SPIRE1: variants seen among roughly 807,000 people sequenced by gnomAD.
SPIRE1 encodes protein spire homolog 1.
In SPIRE1, 40 loss-of-function variants were observed where a neutral mutation model predicts 94.1. The ratio of observed to expected loss-of-function variants is 0.43; its 90% confidence interval spans 0.33 to 0.55. The LOEUF is 0.55. Among genes scored for constraint, SPIRE1 ranks in the 20% least tolerant of loss-of-function variants. The pLI is 0.06. For synonymous variants in SPIRE1, 376 were observed against 371.7 expected (o/e 1.01, Z -0.13); for missense variants, 838 against 975.2 (o/e 0.86, Z 1.87).
rs1375897156 is a variant in SPIRE1 at position 12,454,431 on chromosome 18, A to G, written c.1691T>C (p.Met564Thr). 6.2e-7 allele frequency: 1 copy of G among 1,614,050 alleles called. No individual in the cohort carries two copies. Among genetic ancestry groups the G allele is most frequent in the Non-Finnish European group, 8.5e-7 (1 of 1,179,896 alleles). ...ECLALTVEEV[M>T]HIRQVLVKAE... ...CTTCACCAGGACCTGGCGAATATGC[A>G]TCACTTCTTCCACAGTAAGAGCGAG... Residue 564 changes from methionine to threonine, a missense_variant, in exon 13 of 17, where the codon ATG becomes ACG. Physicochemically the swap from Met to Thr is moderately conservative, Grantham distance 81 (BLOSUM62 -1). This residue lies in a region of SPIRE1 where 645 missense variants were observed against 804.7 expected (regional missense o/e 0.80). Coordinates refer to ENST00000409402, the MANE Select transcript of SPIRE1 (RefSeq NM_001128626.2).
chr18:12,521,813 C>T (rs1752506612), intron 4 of SPIRE1, among the ~76,000 whole-genome samples: 1 of 151,826 alleles, frequency 6.6e-6, no homozygotes. Flanking sequence ...GAGGAGTGAT[C>T]TTTGATGTTA....
At position 12,559,516 on chromosome 18, in the gene SPIRE1, A is replaced by G. The variant is rs952911239; in HGVS notation, c.373-12612T>C. 6.6e-6 allele frequency among the ~76,000 whole-genome samples: 1 copy of G among 152,200 alleles called. No homozygotes were observed. The highest frequency in any genetic ancestry group is 2.4e-5 in the African/African-American group (1 of 41,466). ...GAGGGAGCCGGCTCCGGCTTTGGCC[A>G]GCCCAGAGAGGGGCTCCCACGGTGC... On this transcript the variant is annotated intron_variant, in intron 2 of 16. Coordinates refer to ENST00000409402, the MANE Select transcript of SPIRE1 (RefSeq NM_001128626.2). The surrounding 1 kb of genome is among the most constrained non-coding windows in gnomAD (Gnocchi z 4.7).
chr18:12,602,933 T>C (rs1245186174), intron 2 of SPIRE1, among the ~76,000 whole-genome samples: 2 of 152,214 alleles, frequency 1.3e-5, no homozygotes, highest in East Asian at 3.8e-4. Context: ...AACCCATTGA[T>C]TTGTAGGTAA....
At chr18:12,650,463 C>A (rs2038346828) in intron 1 of SPIRE1, among the ~76,000 whole-genome samples, 1 of 151,804 alleles carries the variant, frequency 6.6e-6, no homozygotes, top group Non-Finnish European at 1.5e-5. Context: ...ATAATCCCAG[C>A]ACTTTGGGAG....
chr18:12,477,141 A>T (rs113508347), intron 10 of SPIRE1, among the ~76,000 whole-genome samples: 2 of 152,292 alleles, frequency 1.3e-5, no homozygotes, highest in African/African-American at 4.8e-5. Context: ...AATTTATCTG[A>T]TCATGCCTTG....
intron 4 of SPIRE1, among the ~76,000 whole-genome samples, chr18:12,520,861 GAC>G (rs1313744264): frequency 1.3e-5 from 2 of 152,306 alleles, no homozygotes; most frequent in South Asian, 2.1e-4. Flanking sequence ...CTGTGAATGA[GAC>G]AGACGTCTTG....
chr18:12,449,852 A>T lies in SPIRE1; in HGVS notation c.2057T>A (p.Leu686His). Residue 686 changes from leucine to histidine, a missense_variant, in exon 17 of 17, where the codon CTC (leucine) becomes CAC (histidine). Around this residue, in one of 2 missense-constraint regions of SPIRE1, gnomAD observed 645 missense variants for 804.7 expected, o/e 0.80. Coordinates refer to ENST00000409402, the MANE Select transcript of SPIRE1 (RefSeq NM_001128626.2). Reference sequence around the variant, plus strand: ...CTCCATCAACTCTTTGGGAAACTGGAGTTCTTCATCTGATTTGTCCATAGA... The same window carrying T: ...CTCCATCAACTCTTTGGGAAACTGGTGTTCTTCATCTGATTTGTCCATAGA... ...SKSMDKSDEE[L>H]QFPKELMEDW... 1.2e-6 allele frequency: 2 copies of T among 1,614,154 alleles called. No individual in the cohort carries two copies. The highest frequency in any genetic ancestry group is 1.3e-5 in the African/African-American group (1 of 75,034).
chr18:12,594,784 C>G (rs893158026), intron 2 of SPIRE1, among the ~76,000 whole-genome samples: 2 of 152,120 alleles, frequency 1.3e-5, no homozygotes, highest in African/African-American at 2.4e-5. Flanking sequence ...AGTGTTTTGC[C>G]TGTCTCTCTT....
intron 10 of SPIRE1, among the ~76,000 whole-genome samples, chr18:12,477,796 C>T (rs529964588): frequency 6.6e-6 from 1 of 152,078 alleles, no homozygotes; most frequent in Admixed American, 6.6e-5. Flanking sequence ...AAGCTGAGCA[C>T]CGATGGGCTG....
chr18:12,594,434 G>T (rs574281757), intron 2 of SPIRE1, among the ~76,000 whole-genome samples: 1 of 152,102 alleles, frequency 6.6e-6, no homozygotes, highest in South Asian at 2.1e-4. Flanking sequence ...AACAGAAAAT[G>T]TTCATTAAAA....
intron 4 of SPIRE1, among the ~76,000 whole-genome samples, chr18:12,513,606 C>T (rs1694479974): frequency 6.6e-6 from 1 of 151,858 alleles, no homozygotes; most frequent in African/African-American, 2.4e-5. Context: ...TCACTATAAC[C>T]TCTACCTCCC....
intron 2 of SPIRE1, among the ~76,000 whole-genome samples, chr18:12,564,986 A>AAAAAG (rs961227709): frequency 2.6e-5 from 4 of 152,208 alleles, no homozygotes; most frequent in Non-Finnish European, 4.4e-5. Flanking sequence ...AGAAAGAAAG[A>AAAAAG]AAAAGAAAAG....
intron 2 of SPIRE1, among the ~76,000 whole-genome samples, chr18:12,549,939 C>T (rs563977150): frequency 6.6e-6 from 1 of 152,306 alleles, no homozygotes; most frequent in Non-Finnish European, 1.5e-5. Context: ...ACCTTGCCTA[C>T]AGGAGCTGAT....
intron 3 of SPIRE1, among the ~76,000 whole-genome samples, chr18:12,539,005 A>G (rs1179632696): frequency 6.6e-6 from 1 of 152,198 alleles, no homozygotes; most frequent in East Asian, 1.9e-4. Flanking sequence ...ACTAGTCTAC[A>G]TGGTTCTTCT....
chr18:12,544,214 T>G (rs2035089790), intron 3 of SPIRE1, among the ~76,000 whole-genome samples: 1 of 151,752 alleles, frequency 6.6e-6, no homozygotes, highest in Non-Finnish European at 1.5e-5. Flanking sequence ...TTTTTTCTTT[T>G]TTTGAGACAG....
intron 10 of SPIRE1, among the ~76,000 whole-genome samples, chr18:12,471,354 C>G (rs968632034): frequency 1.3e-5 from 2 of 151,756 alleles, no homozygotes; most frequent in African/African-American, 4.8e-5. Context: ...TTCTAAGGCC[C>G]CTTCCAGTTA....
intron 2 of SPIRE1, among the ~76,000 whole-genome samples, chr18:12,609,103 G>C (rs999578897): frequency 2.6e-5 from 4 of 152,122 alleles, no homozygotes; most frequent in Admixed American, 6.6e-5. Flanking sequence ...GCTTCTATGA[G>C]AATCTAATGC....
chr18:12,508,017 G>A (rs901324226), intron 5 of SPIRE1, among the ~76,000 whole-genome samples: 9 of 151,870 alleles, frequency 5.9e-5, no homozygotes, highest in Admixed American at 3.9e-4. Context: ...GTGGTGGCAC[G>A]TGCCTGTAGT....
intron 1 of SPIRE1, among the ~76,000 whole-genome samples, chr18:12,637,842 T>C (rs2037976673): frequency 1.3e-5 from 2 of 151,984 alleles, no homozygotes; most frequent in African/African-American, 4.8e-5. Context: ...GATAGAGGAG[T>C]GCCAAAAGGG....
Sources: gnomAD v4.1 joint callset for allele counts (sites outside exome capture counted in the v4.1 genomes callset) on GRCh38, gnomAD v4.1.1 for gene constraint, gnomAD v4.1.1 regional missense constraint, Gnocchi (gnomAD v3.1) non-coding constraint, MANE v1.5 for transcripts, NCBI Gene and HGNC (gene_info 2026-07-23, HGNC 2026-07-21) for gene names.